Variants in CAAP1 observed in about 807,000 individuals in gnomAD.
The protein encoded by CAAP1 is conserved anti-apoptotic protein.
In CAAP1, 20 loss-of-function variants were observed where a neutral mutation model predicts 34.0. The observed-to-expected ratio is 0.59, with a 90% CI of 0.41 to 0.86. CAAP1 has a LOEUF of 0.86. Among genes scored for constraint, CAAP1 ranks in the 40% least tolerant of loss-of-function variants. The pLI is 0.00. For missense variants in CAAP1, 538 were observed against 450.5 expected (o/e 1.19, Z -1.76); for synonymous variants, 213 against 166.7 (o/e 1.28, Z -2.14).
intron 4 of CAAP1, among the ~76,000 whole-genome samples, chr9:26,869,147 A>G (rs1772194575): frequency 6.6e-6 from 1 of 152,106 alleles, no homozygotes; most frequent in African/African-American, 2.4e-5. Context: ...TTGATACACT[A>G]TTGTTTCTAC....
intron 5 of CAAP1, among the ~76,000 whole-genome samples, chr9:26,855,650 C>T (rs112381201): frequency 3.3e-5 from 5 of 152,196 alleles, no homozygotes; most frequent in Admixed American, 2.0e-4. Context: ...ATCAACTATA[C>T]GATGTAGCAG....
intron 5 of CAAP1, among the ~76,000 whole-genome samples, chr9:26,850,611 C>T (rs12353269): frequency 0.12 from 18,658 of 152,190 alleles, 1,835 homozygotes; most frequent in African/African-American, 0.27. Context: ...AGACTTGAAG[C>T]ATGAAGCTCT....
intron 5 of CAAP1, among the ~76,000 whole-genome samples, chr9:26,850,509 T>C (rs762072448): frequency 6.6e-6 from 1 of 152,228 alleles, no homozygotes; most frequent in Non-Finnish European, 1.5e-5. Context: ...AAATTATCTT[T>C]GGAAATACAT....
At chr9:26,879,022 G>A (rs932370023) in intron 4 of CAAP1, among the ~76,000 whole-genome samples, 1 of 152,144 alleles carries the variant, frequency 6.6e-6, no homozygotes, top group African/African-American at 2.4e-5. Context: ...CAACATTCAA[G>A]TTTCCTTCTT....
chr9:26,882,895 A>G (rs1823632378), intron 4 of CAAP1, among the ~76,000 whole-genome samples: 1 of 152,100 alleles, frequency 6.6e-6, no homozygotes, highest in Admixed American at 6.5e-5. Flanking sequence ...TTAAAATTTG[A>G]CTGCCTCGCT....
chr9:26,847,778 T>TG (rs1391384476), intron 5 of CAAP1, among the ~76,000 whole-genome samples: 7 of 152,184 alleles, frequency 4.6e-5, no homozygotes, highest in Non-Finnish European at 1.0e-4. Context: ...ATCTGTTGAT[T>TG]TTTTTTCCCT....
At chr9:26,862,021 C>T (rs10812483) in intron 4 of CAAP1, among the ~76,000 whole-genome samples, 6,481 of 152,150 alleles carry the variant, frequency 0.043, 467 homozygotes, top group African/African-American at 0.15. Context: ...ATTAAAACTG[C>T]ACTAATACAA....
chr9:26,845,876 G>A (rs1822588488), intron 5 of CAAP1, among the ~76,000 whole-genome samples: 2 of 151,878 alleles, frequency 1.3e-5, no homozygotes, highest in African/African-American at 2.4e-5. Context: ...ATTTGTTTTA[G>A]CTATGTTTTT....
intron 4 of CAAP1, among the ~76,000 whole-genome samples, chr9:26,867,806 T>C (rs1309433857): frequency 1.3e-5 from 2 of 152,138 alleles, no homozygotes; most frequent in Non-Finnish European, 2.9e-5. Context: ...ACTATTTTAT[T>C]ATTAATTTCC....
At chr9:26,878,944 C>T (rs1162862068) in intron 4 of CAAP1, among the ~76,000 whole-genome samples, 2 of 152,206 alleles carry the variant, frequency 1.3e-5, no homozygotes, top group Non-Finnish European at 2.9e-5. Context: ...ATCTTACCTG[C>T]AACCAACATC....
chr9:26,880,712 C>G (rs1823572421), intron 4 of CAAP1, among the ~76,000 whole-genome samples: 1 of 152,096 alleles, frequency 6.6e-6, no homozygotes. Flanking sequence ...TGGAGTTTTG[C>G]TCTGTCACCC....
chr9:26,873,943 C>T (rs907914244), intron 4 of CAAP1, among the ~76,000 whole-genome samples: 1 of 152,066 alleles, frequency 6.6e-6, no homozygotes, highest in Non-Finnish European at 1.5e-5. Context: ...TACGGTGGCT[C>T]ACGCCTGTAA....
At chr9:26,865,512 G>C (rs1265556104) in intron 4 of CAAP1, among the ~76,000 whole-genome samples, 1 of 146,672 alleles carries the variant, frequency 6.8e-6, no homozygotes, top group Admixed American at 6.8e-5. Context: ...CAACAAGAGA[G>C]AAACTATGTC....
chr9:26,851,938 A>C (rs929575445), intron 5 of CAAP1, among the ~76,000 whole-genome samples: 1 of 152,212 alleles, frequency 6.6e-6, no homozygotes, highest in Non-Finnish European at 1.5e-5. Context: ...TCTACTTCAT[A>C]AACTACCATG....
chr9:26,853,760 T>A (rs912019324), intron 5 of CAAP1, among the ~76,000 whole-genome samples: 1 of 152,178 alleles, frequency 6.6e-6, no homozygotes, highest in Non-Finnish European at 1.5e-5. Context: ...GAGGGTCTGG[T>A]CTCGGCAGCA....
intron 5 of CAAP1, among the ~76,000 whole-genome samples, chr9:26,857,208 T>A (rs970317574): frequency 2.0e-5 from 3 of 152,254 alleles, no homozygotes; most frequent in Non-Finnish European, 2.9e-5. Flanking sequence ...CTGAAACTTG[T>A]ACATGTGAGC....
intron 4 of CAAP1, among the ~76,000 whole-genome samples, chr9:26,868,507 T>G (rs758975506): frequency 6.6e-6 from 1 of 152,174 alleles, no homozygotes; most frequent in Non-Finnish European, 1.5e-5. Context: ...CACCTTGACC[T>G]CAGCCCAGAA....
chr9:26,845,133 A>G (rs1422468212), intron 5 of CAAP1, among the ~76,000 whole-genome samples: 4 of 152,008 alleles, frequency 2.6e-5, no homozygotes, highest in African/African-American at 7.3e-5. Context: ...ATTGCACCTG[A>G]CATTTTTATG....
At chr9:26,891,301 CTATT>C (rs539683976) in intron 1 of CAAP1, among the ~76,000 whole-genome samples, 3 of 152,074 alleles carry the variant, frequency 2.0e-5, no homozygotes, top group Non-Finnish European at 4.4e-5. Context: ...TTAAAACAAA[CTATT>C]AATTTGACCC....
Sources: gnomAD v4.1 joint callset for allele counts (sites outside exome capture counted in the v4.1 genomes callset) on GRCh38, gnomAD v4.1.1 for gene constraint, MANE v1.5 for transcripts, NCBI Gene and HGNC (gene_info 2026-07-23, HGNC 2026-07-21) for gene names.